The following MYO9A variants were observed in gnomAD, a reference collection of about 807,000 sequenced individuals.
MYO9A encodes the protein unconventional myosin-IXa.
A neutral mutation model predicts 293.3 loss-of-function variants in MYO9A; 103 were observed. The observed-to-expected ratio is 0.35, with a 90% confidence interval of 0.30 to 0.41. The LOEUF (loss-of-function observed/expected upper bound fraction) is 0.41, where lower values mean the gene tolerates loss of function less well. MYO9A is among the 10% of genes least tolerant of loss of function. The pLI is 1.00. For synonymous variants in MYO9A, 1,001 were observed against 1,035.7 expected (o/e 0.97, Z 0.64); for missense variants, 2,685 against 3,033.0 (o/e 0.89, Z 2.69).
At chr15:71,920,557 T>A (rs1199593861) in intron 18 of MYO9A, among the ~76,000 whole-genome samples, 1 of 152,216 alleles carries the variant, frequency 6.6e-6, no homozygotes, top group Non-Finnish European at 1.5e-5. Context: ...ATATTTCTTT[T>A]GTTTATAAAT....
At chr15:72,047,168 A>G (rs1053117921) in intron 1 of MYO9A, among the ~76,000 whole-genome samples, 4 of 152,226 alleles carry the variant, frequency 2.6e-5, no homozygotes, top group African/African-American at 7.2e-5. Context: ...GAAACCAACT[A>G]AGGAGATAGA....
intron 1 of MYO9A, among the ~76,000 whole-genome samples, chr15:72,049,138 C>T (rs75701099): frequency 0.013 from 2,054 of 152,206 alleles, 20 homozygotes; most frequent in East Asian, 0.025. Flanking sequence ...TTTGATGGAA[C>T]TTCTTTTGTT....
At chr15:71,873,419 T>G (rs1192870300) in intron 32 of MYO9A, among the ~76,000 whole-genome samples, 1 of 152,154 alleles carries the variant, frequency 6.6e-6, no homozygotes, top group Non-Finnish European at 1.5e-5. Context: ...TGTGAAAAAG[T>G]GTGATTGATA....
chr15:72,043,701 C>T (rs1420176345), intron 2 of MYO9A, among the ~76,000 whole-genome samples: 1 of 151,908 alleles, frequency 6.6e-6, no homozygotes, highest in Non-Finnish European at 1.5e-5. Context: ...CTGAGAGGAG[C>T]GTGAAAGAGG....
intron 9 of MYO9A, among the ~76,000 whole-genome samples, chr15:71,998,001 A>G (rs1334649066): frequency 6.6e-6 from 1 of 152,198 alleles, no homozygotes; most frequent in Non-Finnish European, 1.5e-5. Context: ...AAATCATTCT[A>G]TCATAAAGAC....
At chr15:71,931,394 T>G (rs2058470973) in intron 18 of MYO9A, among the ~76,000 whole-genome samples, 2 of 152,180 alleles carry the variant, frequency 1.3e-5, no homozygotes. Context: ...TGGCAGGTCT[T>G]TTTTCTCAGA....
intron 40 of MYO9A, among the ~76,000 whole-genome samples, 181 bp from the exon 41 acceptor site, chr15:71,828,207 G>C (rs2054587228): frequency 6.6e-6 from 1 of 152,144 alleles, no homozygotes; most frequent in South Asian, 2.1e-4. Context: ...AAACTATATG[G>C]ACTAAAGGAC....
chr15:72,043,974 T>C (rs1353252694), intron 2 of MYO9A, among the ~76,000 whole-genome samples: 1 of 149,994 alleles, frequency 6.7e-6, no homozygotes, highest in Admixed American at 6.7e-5. Flanking sequence ...AAAAACCGCA[T>C]ATATTTATGG....
intron 28 of MYO9A, among the ~76,000 whole-genome samples, chr15:71,882,116 C>G (rs1224966209): frequency 6.6e-6 from 1 of 152,160 alleles, no homozygotes; most frequent in Non-Finnish European, 1.5e-5. Context: ...CTCCTTGTTT[C>G]TCTATTTTAT....
intron 25 of MYO9A, among the ~76,000 whole-genome samples, chr15:71,894,885 C>T (rs1257938398): frequency 6.6e-6 from 1 of 152,178 alleles, no homozygotes; most frequent in East Asian, 1.9e-4. Context: ...CTCTCCTGAG[C>T]AGAACTGTAA....
intron 1 of MYO9A, among the ~76,000 whole-genome samples, chr15:72,061,925 A>C (rs1003810515): frequency 4.6e-5 from 7 of 152,250 alleles, no homozygotes; most frequent in African/African-American, 1.7e-4. Context: ...GACCCAGCAC[A>C]GTCCAAGAGG....
rs185920625 is a variant in MYO9A, at chr15:72,024,754, T to C, written c.998+2977A>G. Among the ~76,000 whole-genome samples the C allele has an allele frequency of 2.3e-4, 35 of 152,294 alleles. 1 individual carries two copies. The highest frequency in any genetic ancestry group is 1.9e-3 in the Admixed American group (29 of 15,302). On this transcript the variant is annotated intron_variant, in intron 4 of 41. Coordinates refer to ENST00000356056, the MANE Select transcript of MYO9A (RefSeq NM_006901.4). Reference sequence around the variant, plus strand: ...TTGTTGTATACTATCAAAATTAAGTTGTCATTATTCCAAACTACATTGTTA... The same window carrying C: ...TTGTTGTATACTATCAAAATTAAGTCGTCATTATTCCAAACTACATTGTTA...
intron 1 of MYO9A, among the ~76,000 whole-genome samples, chr15:72,065,864 C>T (rs996753973): frequency 1.3e-5 from 2 of 152,162 alleles, no homozygotes; most frequent in African/African-American, 4.8e-5. Flanking sequence ...TCTGTAGTAG[C>T]TCATTGTTCA....
chr15:71,996,278 G>T (rs111388008), intron 9 of MYO9A, among the ~76,000 whole-genome samples: 1 of 152,074 alleles, frequency 6.6e-6, no homozygotes, highest in African/African-American at 2.4e-5. Flanking sequence ...TTTTATGAAT[G>T]GGTTGAATTT....
chr15:71,847,388 G>A (rs1346767405), intron 39 of MYO9A: 3 of 446,620 alleles, frequency 6.7e-6, no homozygotes, highest in African/African-American at 2.0e-5. Flanking sequence ...TAGAGTGGCT[G>A]TGACACATTG....
intron 9 of MYO9A, among the ~76,000 whole-genome samples, chr15:71,998,550 C>CTTTTTTTTTTTGTT (rs2076768457): frequency 9.4e-6 from 1 of 106,190 alleles, no homozygotes; most frequent in African/African-American, 3.6e-5. Context: ...ATTTGGCTTT[C>CTTTTTTTTTTTGTT]TTTTTTTTTT....
chr15:71,933,026 C>A (rs1030118233), intron 18 of MYO9A, among the ~76,000 whole-genome samples: 5 of 151,732 alleles, frequency 3.3e-5, no homozygotes, highest in South Asian at 2.1e-4. Flanking sequence ...TAAAAAAAAA[C>A]CAGAGCTATA....
intron 1 of MYO9A, among the ~76,000 whole-genome samples, chr15:72,099,419 C>T (rs1246182007): frequency 2.3e-3 from 66 of 29,256 alleles, no homozygotes; most frequent in Non-Finnish European, 4.8e-3. Flanking sequence ...CAAGACCCTG[C>T]CCCAAAAAAA....
At chr15:72,013,427 T>A (rs1000750332) in intron 6 of MYO9A, among the ~76,000 whole-genome samples, 1 of 152,174 alleles carries the variant, frequency 6.6e-6, no homozygotes. Context: ...CAAATACTGG[T>A]CAGCCAGAGT....
Sources: allele counts gnomAD v4.1 joint callset (sites outside exome capture counted in the v4.1 genomes callset), GRCh38; gene constraint gnomAD v4.1.1; transcripts MANE v1.5; gene names NCBI Gene and HGNC (gene_info 2026-07-23, HGNC 2026-07-21).